Variants in ADAM7 observed in about 807,000 individuals in gnomAD.
ADAM7 encodes the protein ADAM metallopeptidase domain 7, also known as disintegrin and metalloproteinase domain-containing protein 7.
A neutral mutation model predicts 102.9 loss-of-function variants in ADAM7; 97 were observed. The ratio of observed to expected loss-of-function variants is 0.94; its 90% confidence interval spans 0.80 to 1.12. ADAM7 has a LOEUF of 1.12. ADAM7 is among the 50% of genes most tolerant of loss of function. The pLI is 0.00. For synonymous variants in ADAM7, 334 were observed against 304.4 expected (o/e 1.10, Z -1.01); for missense variants, 991 against 908.7 (o/e 1.09, Z -1.16).
rs571669809 is a variant in ADAM7, at chr8:24,499,851, CACAT to C, written c.1924-321_1924-318del. On this transcript the variant is annotated intron_variant, in intron 17 of 21. Coordinates refer to ENST00000175238, the MANE Select transcript of ADAM7 (RefSeq NM_003817.4). ...ACATCACACATCACACACACACACA[CACAT>C]ACATATCAGGTTACCATATTTATCA... Among the ~76,000 whole-genome samples, 890 of 151,764 alleles carry C rather than the reference CACAT, an allele frequency of 5.9e-3. 5 individuals are homozygous for C. Among genetic ancestry groups the C allele is most frequent in the African/African-American group, 0.021 (852 of 41,382 alleles).
At chr8:24,493,428 A>T (rs1820439198) in intron 16 of ADAM7, among the ~76,000 whole-genome samples, 199 bp downstream of exon 16, 1 of 152,204 alleles carries the variant, frequency 6.6e-6, no homozygotes, top group East Asian at 1.9e-4. Context: ...ATGCCAAATG[A>T]CCCATAATTG....
chr8:24,503,302 C>G (rs1820826109), intron 20 of ADAM7, among the ~76,000 whole-genome samples: 1 of 152,066 alleles, frequency 6.6e-6, no homozygotes, highest in African/African-American at 2.4e-5. Context: ...ATTGTAGCAA[C>G]AGCGATAATT....
chr8:24,456,363 T>A (rs918114459), intron 3 of ADAM7, among the ~76,000 whole-genome samples: 14 of 152,230 alleles, frequency 9.2e-5, no homozygotes, highest in African/African-American at 3.4e-4. Context: ...ATTCTCTTTA[T>A]CTATTCATCT....
intron 9 of ADAM7, among the ~76,000 whole-genome samples, chr8:24,484,000 C>T (rs114751827): frequency 0.012 from 1,822 of 152,170 alleles, 38 homozygotes; most frequent in African/African-American, 0.042. Flanking sequence ...TGGGTACCTG[C>T]CCTTCTGTAT....
intron 3 of ADAM7, among the ~76,000 whole-genome samples, chr8:24,455,208 A>G (rs182873155): frequency 3.9e-5 from 6 of 152,310 alleles, no homozygotes; most frequent in Admixed American, 3.9e-4. Context: ...ACATATACAT[A>G]TACCCATAGA....
chr8:24,466,427 TTTTACTTTCATATA>T (rs1395240807), intron 5 of ADAM7, among the ~76,000 whole-genome samples: 2 of 152,192 alleles, frequency 1.3e-5, no homozygotes, highest in South Asian at 2.1e-4. Context: ...ATATTAGTAT[TTTTACTTTCATATA>T]TTTACTTTCA....
intron 3 of ADAM7, among the ~76,000 whole-genome samples, chr8:24,451,055 C>T (rs1405710303): frequency 8.4e-4 from 128 of 151,840 alleles, no homozygotes; most frequent in African/African-American, 2.9e-3. Context: ...GGTTTGCCAG[C>T]ATTTTATTGA....
At chr8:24,498,888 G>A (rs570818247) in intron 16 of ADAM7, among the ~76,000 whole-genome samples, 108 of 151,944 alleles carry the variant, frequency 7.1e-4, no homozygotes, top group African/African-American at 2.3e-3. Flanking sequence ...AAACTTCATT[G>A]AAACAAAAGA....
intron 6 of ADAM7, chr8:24,467,358 C>T: frequency 3.6e-6 from 1 of 276,144 alleles, no homozygotes; most frequent in South Asian, 1.0e-4. Flanking sequence ...CTATGTTCTC[C>T]CCTTTTTATC....
At chr8:24,476,564 C>T (rs1819775583) in intron 8 of ADAM7, 60 bp downstream of exon 8, 5 of 1,362,880 alleles carry the variant, frequency 3.7e-6, no homozygotes, top group African/African-American at 1.4e-5. Flanking sequence ...AACCTTTCAG[C>T]GCAGTTCTCT....
At chr8:24,507,668 A>AT (rs11307556) in intron 21 of ADAM7, 133 bp downstream of exon 21, 9,400 of 540,582 alleles carry the variant, frequency 0.017, no homozygotes, top group East Asian at 0.06. Context: ...GAAGGTTAGA[A>AT]TTTTTTTTTT....
At chr8:24,451,180 G>T (rs1420329643) in intron 3 of ADAM7, among the ~76,000 whole-genome samples, 1 of 151,722 alleles carries the variant, frequency 6.6e-6, no homozygotes, top group Non-Finnish European at 1.5e-5. Flanking sequence ...GAGTTAGGGA[G>T]GATTCCCTCT....
In ADAM7 at chr8:24,491,962, G is replaced by A; in HGVS notation, c.1416G>A (p.Met472Ile). 6.2e-7 allele frequency: 1 copy of A among 1,613,760 alleles called. No individual in the cohort carries two copies. ...AAGATGAATGTGATTTTCCTGAGATGTGCACTGGCCACTCGCCTGCCTGTC... is the reference window on the plus strand; with the variant it reads ...AAGATGAATGTGATTTTCCTGAGATATGCACTGGCCACTCGCCTGCCTGTC... ...PAKDECDFPE[M>I]CTGHSPACPK... The change falls in exon 14 of 22, where the codon ATG becomes ATA. Residue 472 changes from methionine (M) to isoleucine (I), a missense_variant. By Grantham distance (10) the Met-to-Ile change is conservative (BLOSUM62 1). Coordinates refer to ENST00000175238, the MANE Select transcript of ADAM7 (RefSeq NM_003817.4).
intron 7 of ADAM7, 30 bp downstream of exon 7, chr8:24,468,850 T>C (rs1354815202): frequency 6.3e-7 from 1 of 1,583,358 alleles, no homozygotes; most frequent in Non-Finnish European, 8.7e-7. Flanking sequence ...TTTCTCTCTT[T>C]ATTCTTCCTT....
chr8:24,461,136 G>A (rs1282300919), intron 3 of ADAM7, among the ~76,000 whole-genome samples: 1 of 151,994 alleles, frequency 6.6e-6, no homozygotes, highest in Non-Finnish European at 1.5e-5. Context: ...GGGACTACAG[G>A]CACCCGCCAC....
intron 3 of ADAM7, among the ~76,000 whole-genome samples, chr8:24,450,306 TG>T (rs1162917610): frequency 6.6e-6 from 1 of 152,206 alleles, no homozygotes; most frequent in Non-Finnish European, 1.5e-5. Flanking sequence ...TCCATTTCTT[TG>T]TATCCTCTTT....
At chr8:24,484,274 G>A (rs1820058995) in intron 9 of ADAM7, among the ~76,000 whole-genome samples, 1 of 152,068 alleles carries the variant, frequency 6.6e-6, no homozygotes. Context: ...AATCAAAAAA[G>A]GTAAAGACTG....
chr8:24,446,902 A>G (rs1818580401), intron 2 of ADAM7, among the ~76,000 whole-genome samples: 1 of 148,990 alleles, frequency 6.7e-6, no homozygotes, highest in Admixed American at 6.7e-5. Flanking sequence ...TAGTTGTAAT[A>G]TAACTAATAA....
In ADAM7 at chr8:24,492,099, G is replaced by A; in HGVS notation, c.1552+1G>A. 1 of 1,610,856 alleles carries A rather than the reference G, an allele frequency of 6.2e-7. No individual in the cohort carries two copies. Among genetic ancestry groups the A allele is most frequent in the Middle Eastern group, 1.7e-4 (1 of 6,034 alleles). ...CAGTGCTCTGAACTATTTGATGATG[G>A]TGAGAGATAATCACAGTGAAGTATT... On this transcript the variant is annotated splice_donor_variant, in intron 14 of 21. Transcript: ENST00000175238. LOFTEE classifies it high-confidence loss of function.
Sources: allele counts gnomAD v4.1 joint callset (sites outside exome capture counted in the v4.1 genomes callset), GRCh38; gene constraint gnomAD v4.1.1; transcripts MANE v1.5; gene names NCBI Gene and HGNC (gene_info 2026-07-23, HGNC 2026-07-21).